Variants in SPPL3 observed in about 807,000 individuals in gnomAD.
SPPL3 encodes the protein signal peptide peptidase-like 3.
SPPL3 carries 5 observed loss-of-function variants against 42.4 expected under a neutral mutation model. The observed-to-expected ratio is 0.12, with a 90% CI of 0.06 to 0.25. The LOEUF is 0.25. SPPL3 is among the 10% of genes least tolerant of loss of function. The pLI is 1.00. For synonymous variants in SPPL3, 195 were observed against 181.8 expected, an observed-to-expected ratio of 1.07 and a Z score of -0.58; for missense variants, 235 against 489.0, an observed-to-expected ratio of 0.48 and a Z score of 4.90.
chr12:120,844,082 T>G (rs1431881531), intron 1 of SPPL3, among the ~76,000 whole-genome samples: 1 of 152,250 alleles, frequency 6.6e-6, no homozygotes, highest in African/African-American at 2.4e-5. Context: ...TATATTTGAT[T>G]GCAAATTTGA....
chr12:120,778,220 G>A (rs1050800339), intron 6 of SPPL3, among the ~76,000 whole-genome samples: 7 of 147,114 alleles, frequency 4.8e-5, no homozygotes, highest in Admixed American at 2.1e-4. Flanking sequence ...GGGTTGAAGC[G>A]ATTCTCCTGT....
At chr12:120,768,227 G>T in intron 8 of SPPL3, 98 bp downstream of exon 8, 4 of 1,418,908 alleles carry the variant, frequency 2.8e-6, no homozygotes, top group Non-Finnish European at 3.8e-6. Flanking sequence ...ATGGCCCCAG[G>T]TTGGGATCAG....
At chr12:120,840,516 C>T (rs749839524) in intron 1 of SPPL3, among the ~76,000 whole-genome samples, 6 of 151,868 alleles carry the variant, frequency 4.0e-5, no homozygotes, top group South Asian at 2.1e-4. Context: ...TTCTCTTTGA[C>T]GGGGATAAAA....
chr12:120,796,157 C>T (rs1052575043), intron 2 of SPPL3, among the ~76,000 whole-genome samples: 2 of 152,160 alleles, frequency 1.3e-5, no homozygotes, highest in African/African-American at 4.8e-5. Context: ...GGGTGGATCA[C>T]TTGACGACAG....
At chr12:120,767,262 GCTGT>G (rs1450622837) in intron 9 of SPPL3, 128 bp downstream of exon 9, 9 of 922,264 alleles carry the variant, frequency 9.8e-6, no homozygotes, top group Admixed American at 7.2e-5. Flanking sequence ...CACGGGCCAG[GCTGT>G]CTATTACAGC....
In SPPL3 at chr12:120,847,277, A is replaced by G. The variant is rs1030093207; in HGVS notation, c.24-36391T>C. ...TTGGGGAAGGTGGAAACATGAATTC[A>G]GTTTATTTTTATTTATTTATTTATT... is the stretch of plus-strand genomic sequence containing the variant. On this transcript the variant is annotated intron_variant, in intron 1 of 10. Transcript: ENST00000353487. Among the ~76,000 whole-genome samples, 130 of 152,194 alleles carry G rather than the reference A, an allele frequency of 8.5e-4. 1 individual carries two copies. Among genetic ancestry groups the G allele is most frequent in the African/African-American group, 2.9e-3 (120 of 41,552 alleles).
rs976609398 is a variant in SPPL3, at chr12:120,845,589, A to G, written c.24-34703T>C. 5 of 472,330 alleles carry G rather than the reference A, an allele frequency of 1.1e-5. No individual in the cohort carries two copies. The Admixed American group carries it at 1.4e-4, about 13-fold the overall frequency. 29.3% of individuals were successfully genotyped at this position (472,330 alleles called of 1,614,324 possible). A position where few individuals can be genotyped will look rare whatever the true frequency, so the allele number is the denominator to read the frequency against. Reference sequence around the variant, plus strand: ...CTTCCCTGCAGCATCCAGGCCCACCATGAGGATGCACATTTCTTTTCTGTC... The same window carrying G: ...CTTCCCTGCAGCATCCAGGCCCACCGTGAGGATGCACATTTCTTTTCTGTC... On this transcript the variant is annotated intron_variant, in intron 1 of 10. Coordinates refer to ENST00000353487, the MANE Select transcript of SPPL3 (RefSeq NM_139015.5).
At chr12:120,802,445 T>TTTG (rs1181131247) in intron 2 of SPPL3, among the ~76,000 whole-genome samples, 1 of 139,306 alleles carries the variant, frequency 7.2e-6, no homozygotes, top group Admixed American at 7.2e-5. Context: ...TTTTTTTTTT[T>TTTG]CCTTTTTGAG....
chr12:120,768,636 T>G, intron 7 of SPPL3, 148 bp from the exon 8 acceptor site: 1 of 990,204 alleles, frequency 1.0e-6, no homozygotes, highest in Admixed American at 2.7e-5. Context: ...ATCTTTGCTC[T>G]TCCTGTGTAC....
chr12:120,791,515 G>A lies in SPPL3; in HGVS notation c.144C>T (p.Asp48=), dbSNP rs1869915528. The A allele has an allele frequency of 6.2e-7, 1 of 1,606,354 alleles. No homozygotes were observed. The highest frequency in any genetic ancestry group is 8.5e-7 in the Non-Finnish European group (1 of 1,178,360). The change falls in exon 3 of 11, where the codon GAC becomes GAT. Residue 48 remains aspartate (D), a synonymous_variant. Transcript: ENST00000353487. ...TGAAAGACCCAGAAGAACTATTACTGTCTTTCTCCTTATCTTGATTTTCAA... is the reference window on the plus strand; with the variant it reads ...TGAAAGACCCAGAAGAACTATTACTATCTTTCTCCTTATCTTGATTTTCAA... ...MDFENQDKEK[D]SNSSSGSFNG...
At chr12:120,795,417 G>A (rs1870064624) in intron 2 of SPPL3, among the ~76,000 whole-genome samples, 1 of 152,242 alleles carries the variant, frequency 6.6e-6, no homozygotes, top group Non-Finnish European at 1.5e-5. Context: ...AGCTGGTGAT[G>A]AGATGAATTC....
At chr12:120,831,262 T>C (rs1220547232) in intron 1 of SPPL3, among the ~76,000 whole-genome samples, 1 of 152,110 alleles carries the variant, frequency 6.6e-6, no homozygotes, top group Non-Finnish European at 1.5e-5. Flanking sequence ...TGGTGGTGCT[T>C]CACAGCCTCC....
At chr12:120,859,569 T>C (rs1158686437) in intron 1 of SPPL3, among the ~76,000 whole-genome samples, 1 of 152,200 alleles carries the variant, frequency 6.6e-6, no homozygotes, top group Non-Finnish European at 1.5e-5. Flanking sequence ...ATCAAATAAT[T>C]CTTTTTGAAA....
intron 1 of SPPL3, among the ~76,000 whole-genome samples, chr12:120,884,074 G>A (rs1486135406): frequency 1.3e-5 from 2 of 148,954 alleles, no homozygotes; most frequent in Non-Finnish European, 3.0e-5. Context: ...GCACTCCAGC[G>A]TGGGCAACAA....
intron 1 of SPPL3, among the ~76,000 whole-genome samples, chr12:120,885,635 G>A (rs1410460613): frequency 6.6e-6 from 1 of 152,044 alleles, no homozygotes; most frequent in African/African-American, 2.4e-5. Context: ...CTCTGTCACT[G>A]GAGCACTGAT....
chr12:120,889,974 G>A (rs1422456174), intron 1 of SPPL3, among the ~76,000 whole-genome samples: 1 of 152,138 alleles, frequency 6.6e-6, no homozygotes, highest in African/African-American at 2.4e-5. Flanking sequence ...TGCTGGGGGC[G>A]GTGGCTCACG....
At chr12:120,767,698 G>GC in intron 8 of SPPL3, 105 bp from the exon 9 acceptor site, 23 of 1,122,914 alleles carry the variant, frequency 2.0e-5, no homozygotes, top group Non-Finnish European at 2.6e-5. Flanking sequence ...GAGCTTATCT[G>GC]CATGGCAGAT....
At chr12:120,788,223 A>G (rs1301617743) in intron 3 of SPPL3, among the ~76,000 whole-genome samples, 1 of 152,166 alleles carries the variant, frequency 6.6e-6, no homozygotes, top group Admixed American at 6.5e-5. Context: ...GTGGGCATGT[A>G]GTGCTTTTTC....
chr12:120,769,861 TAC>T (rs1869053356), intron 6 of SPPL3: 1 of 152,080 alleles, frequency 6.6e-6, no homozygotes, highest in Admixed American at 6.6e-5. Flanking sequence ...AATAATTTTT[TAC>T]ATACTTTTTT....
Sources: allele counts gnomAD v4.1 joint callset (sites outside exome capture counted in the v4.1 genomes callset), GRCh38; gene constraint gnomAD v4.1.1; transcripts MANE v1.5; gene names NCBI Gene and HGNC (gene_info 2026-07-23, HGNC 2026-07-21).